The following MME variants were observed in gnomAD, a reference collection of about 807,000 sequenced individuals.
MME encodes the protein membrane metalloendopeptidase, also known as neprilysin.
Under a neutral mutation model 113.2 loss-of-function variants are expected in MME, and 98 were observed. That is an observed-to-expected ratio of 0.87 (90% CI 0.74 to 1.02). The LOEUF is 1.02. MME is among the 50% of genes least tolerant of loss of function. The pLI, the probability that MME is intolerant of heterozygous loss-of-function variation, is 0.00. For missense variants in MME, 836 were observed against 896.0 expected (o/e 0.93, Z 0.86); for synonymous variants, 292 against 300.6 (o/e 0.97, Z 0.30).
At chr3:155,106,550 G>C (rs1032835666) in intron 3 of MME, among the ~76,000 whole-genome samples, 1 of 152,150 alleles carries the variant, frequency 6.6e-6, no homozygotes, top group African/African-American at 2.4e-5. Context: ...CCAGATTCCA[G>C]TTTTCACATT....
intron 1 of MME, among the ~76,000 whole-genome samples, chr3:155,029,654 A>G (rs1313271929): frequency 6.6e-6 from 1 of 151,988 alleles, no homozygotes; most frequent in African/African-American, 2.4e-5. Flanking sequence ...TGAGCAGTAG[A>G]CCCTGGCAAA....
Position 155,072,881 on chromosome 3 carries a change from TA to T in MME, c.-10-11272del, listed in dbSNP as rs527770226. Reference sequence around the variant, plus strand: ...CAAAGTTTACCAAAGTTTAGTTTTTTAAAAACTATGTTGGCCTCTCAAAACT... The same window carrying T: ...CAAAGTTTACCAAAGTTTAGTTTTTTAAAACTATGTTGGCCTCTCAAAACT... On this transcript the variant is annotated intron_variant, in intron 1 of 22. Coordinates refer to the MME transcript ENST00000492661. 3.9e-5 allele frequency among the ~76,000 whole-genome samples: 6 copies of T among 152,322 alleles called. No individual in the cohort carries two copies. The South Asian group carries it at 1.2e-3, about 32-fold the overall frequency.
rs999138090 is a variant in MME, at chr3:155,183,691, C to A, written c.*3232C>A. 2 of 152,116 alleles carry A rather than the reference C, an allele frequency of 1.3e-5. No homozygotes were observed. The highest frequency in any genetic ancestry group is 4.8e-5 in the African/African-American group (2 of 41,430). The allele number at this position is 152,116 out of a possible 1,614,324, so 9.4% of individuals were successfully genotyped here. On this transcript the variant is annotated 3_prime_UTR_variant, in exon 23 of 23. Transcript: ENST00000360490. ...CTCAAAAATACAAAATAAAAACAAA[C>A]GTTTTTAATACTATTGCTTTTATGC...
At chr3:155,091,009 T>G (rs1360647048) in intron 3 of MME, among the ~76,000 whole-genome samples, 1 of 152,338 alleles carries the variant, frequency 6.6e-6, no homozygotes, top group East Asian at 1.9e-4. Context: ...GAAGGACTGA[T>G]GGCTAACTCA....
In MME at chr3:155,124,765, A is replaced by G. The variant is rs879470927; in HGVS notation, c.720+5954A>G. Among the ~76,000 whole-genome samples the G allele has an allele frequency of 3.0e-3, 453 of 152,042 alleles. 1 individual carries two copies. Among genetic ancestry groups the G allele is most frequent in the Non-Finnish European group, 4.6e-3 (316 of 67,958 alleles). On this transcript the variant is annotated intron_variant, in intron 8 of 22. Transcript: ENST00000360490. Reference sequence around the variant, plus strand: ...GGGTCAGGGACCCACTTGAGGAGGCAGTCTGCCGGTTCTCAGATCTCCAGC... The same window carrying G: ...GGGTCAGGGACCCACTTGAGGAGGCGGTCTGCCGGTTCTCAGATCTCCAGC...
At chr3:155,043,507 T>G (rs1183454503) in intron 1 of MME, among the ~76,000 whole-genome samples, 2 of 151,834 alleles carry the variant, frequency 1.3e-5, no homozygotes, top group East Asian at 3.9e-4. Flanking sequence ...CAATTATGTA[T>G]TTTTAGTAGA....
intron 1 of MME, chr3:155,024,440 G>T (rs1226957575): frequency 2.0e-5 from 3 of 152,190 alleles, no homozygotes; most frequent in African/African-American, 7.2e-5. Flanking sequence ...ACTTTATGCA[G>T]CTCTTAATCC....
At chr3:155,092,116 T>C (rs1226632840) in intron 3 of MME, among the ~76,000 whole-genome samples, 2 of 151,778 alleles carry the variant, frequency 1.3e-5, no homozygotes, top group Non-Finnish European at 2.9e-5. Flanking sequence ...CCTCAACAGA[T>C]TGGATGATGC....
chr3:155,025,327 C>T (rs1712744224), intron 1 of MME, among the ~76,000 whole-genome samples: 1 of 152,086 alleles, frequency 6.6e-6, no homozygotes, highest in Non-Finnish European at 1.5e-5. Flanking sequence ...TAAATGAATT[C>T]TGGAGAACTA....
At chr3:155,117,684 A>G (rs1370243889) in intron 7 of MME, among the ~76,000 whole-genome samples, 2 of 146,848 alleles carry the variant, frequency 1.4e-5, no homozygotes, top group Non-Finnish European at 3.0e-5. Context: ...CTGTGTCACT[A>G]TTGCATAAAT....
intron 8 of MME, among the ~76,000 whole-genome samples, chr3:155,128,903 T>C (rs1247664223): frequency 1.8e-4 from 27 of 152,160 alleles, no homozygotes; most frequent in Admixed American, 1.8e-3. Context: ...CCGGGAAACA[T>C]GAGCTCTAGG....
At chr3:155,167,451 T>C (rs1723185712) in intron 18 of MME, among the ~76,000 whole-genome samples, 1 of 152,224 alleles carries the variant, frequency 6.6e-6, no homozygotes, top group East Asian at 1.9e-4. Flanking sequence ...ACCTTTTTTT[T>C]TTCGTCTTGT....
At chr3:155,054,818 A>G (rs1713873613) in intron 1 of MME, among the ~76,000 whole-genome samples, 1 of 152,228 alleles carries the variant, frequency 6.6e-6, no homozygotes, top group Admixed American at 6.5e-5. Context: ...ACTCTGTCTC[A>G]AAAACCAAAA....
In MME at chr3:155,080,368, TC is replaced by T. The variant is rs898101940; in HGVS notation, c.-107del. 3.3e-5 allele frequency: 5 copies of T among 152,440 alleles called. No individual in the cohort carries two copies. Among genetic ancestry groups the T allele is most frequent in the African/African-American group, 1.2e-4 (5 of 41,564 alleles). The allele number at this position is 152,440 out of a possible 1,614,324, so 9.4% of individuals were successfully genotyped here. ...GGGGAGTTATGTTTTGTTACCGAGA[TC>T]CGCGCTACCAGATTGCACCGGGGCT... On this transcript the variant is annotated 5_prime_UTR_variant, in exon 1 of 23. The change creates a premature stop within an existing upstream ORF in the 5' untranslated region. Transcript: ENST00000360490.
intron 9 of MME, among the ~76,000 whole-genome samples, chr3:155,139,420 GT>G (rs1720884154): frequency 6.6e-6 from 1 of 152,132 alleles, no homozygotes; most frequent in South Asian, 2.1e-4. Flanking sequence ...ATAAATAATT[GT>G]TTTCAGTAAA....
At chr3:155,066,140 C>G (rs991753654) in intron 1 of MME, among the ~76,000 whole-genome samples, 1 of 152,074 alleles carries the variant, frequency 6.6e-6, no homozygotes, top group Non-Finnish European at 1.5e-5. Context: ...CTACAGTCCA[C>G]AAATTAATTT....
intron 3 of MME, among the ~76,000 whole-genome samples, chr3:155,108,510 C>T (rs886454590): frequency 5.3e-5 from 8 of 151,632 alleles, no homozygotes; most frequent in Non-Finnish European, 7.4e-5. Flanking sequence ...GCAGGAGAAT[C>T]GCTTGAACCC....
intron 8 of MME, among the ~76,000 whole-genome samples, chr3:155,131,059 A>T (rs1720107217): frequency 6.6e-6 from 1 of 152,204 alleles, no homozygotes; most frequent in Non-Finnish European, 1.5e-5. Context: ...AATCAAGGTG[A>T]TAGAATAATA....
chr3:155,140,347 T>C (rs1213995730), intron 10 of MME, 55 bp downstream of exon 10: 3 of 1,072,892 alleles, frequency 2.8e-6, no homozygotes, highest in African/African-American at 1.6e-5. Flanking sequence ...AATTATAACA[T>C]TGAAATACTC....
Sources: allele counts gnomAD v4.1 joint callset (sites outside exome capture counted in the v4.1 genomes callset), GRCh38; gene constraint gnomAD v4.1.1; transcripts MANE v1.5; gene names NCBI Gene and HGNC (gene_info 2026-07-23, HGNC 2026-07-21).